The following KIF26B variants were observed in gnomAD, a reference collection of about 807,000 sequenced individuals.
KIF26B encodes kinesin family member 26B.
In KIF26B, 63 loss-of-function variants were observed where a neutral mutation model predicts 151.2. The observed-to-expected ratio is 0.42, with a 90% CI of 0.34 to 0.51. The LOEUF (loss-of-function observed/expected upper bound fraction) is 0.51, where lower values mean the gene tolerates loss of function less well. KIF26B is among the 20% of genes least tolerant of loss of function. The probability of loss-of-function intolerance (pLI) is 0.07; values close to 1 mark genes in which losing one functional copy is unlikely to be tolerated. For missense variants in KIF26B, 2,813 were observed against 2,913.6 expected (o/e 0.97, Z 0.79); for synonymous variants, 1,357 against 1,262.1 (o/e 1.08, Z -1.59).
At chr1:245,454,259 C>A (rs1014223076) in intron 4 of KIF26B, among the ~76,000 whole-genome samples, 1 of 152,194 alleles carries the variant, frequency 6.6e-6, no homozygotes, top group Non-Finnish European at 1.5e-5. Flanking sequence ...ACTTAATCAG[C>A]CTGGCTTCCT....
intron 4 of KIF26B, among the ~76,000 whole-genome samples, chr1:245,533,295 T>A (rs1012183500): frequency 1.3e-5 from 2 of 152,170 alleles, no homozygotes; most frequent in Non-Finnish European, 2.9e-5. Flanking sequence ...CTGCCACCCC[T>A]GTCCTGGGTC....
At chr1:245,688,975 T>TG (rs1272529839) in intron 12 of KIF26B, among the ~76,000 whole-genome samples, 168 bp downstream of exon 12, 1 of 151,608 alleles carries the variant, frequency 6.6e-6, no homozygotes, top group Non-Finnish European at 1.5e-5. Flanking sequence ...TCCCGTGCCC[T>TG]GGGGAGGGGG....
chr1:245,583,939 C>A (rs1423999443), intron 5 of KIF26B, among the ~76,000 whole-genome samples: 1 of 152,214 alleles, frequency 6.6e-6, no homozygotes, highest in Non-Finnish European at 1.5e-5. Context: ...CACAAAAGGA[C>A]CCTCTGTAGA....
chr1:245,634,761 G>A lies in KIF26B; in HGVS notation c.2099-11360G>A, dbSNP rs547570420. 1.3e-3 allele frequency among the ~76,000 whole-genome samples: 192 copies of A among 152,218 alleles called. No individual in the cohort carries two copies. In the South Asian group the frequency reaches 0.027, roughly 21 times the overall value. The stretch of plus-strand genomic sequence containing the variant: ...GTCTCACTCTGTCACCCAGGCTGGA[G>A]TGTAGTGGCATGATCACAGCTCACT... On this transcript the variant is annotated intron_variant, in intron 9 of 14. Coordinates refer to ENST00000407071, the MANE Select transcript of KIF26B (RefSeq NM_018012.4).
chr1:245,655,057 G>C (rs2044058891), intron 10 of KIF26B, among the ~76,000 whole-genome samples: 1 of 152,240 alleles, frequency 6.6e-6, no homozygotes, highest in South Asian at 2.1e-4. Flanking sequence ...AGAAGTATGT[G>C]TGGTGGAATC....
chr1:245,685,254 G>A, intron 11 of KIF26B, 151 bp from the exon 12 acceptor site: 1 of 632,006 alleles, frequency 1.6e-6, no homozygotes, highest in East Asian at 2.8e-5. Context: ...CGCGGGCATG[G>A]CACCCCGAGT....
intron 5 of KIF26B, among the ~76,000 whole-genome samples, chr1:245,600,525 A>C (rs2043385473): frequency 6.6e-6 from 1 of 151,216 alleles, no homozygotes; most frequent in Admixed American, 6.6e-5. Flanking sequence ...CTTTTTGTAG[A>C]GATGGGCTCT....
rs75301473 is a variant in KIF26B, at chr1:245,638,777, G to A, written c.2099-7344G>A. The stretch of plus-strand genomic sequence containing the variant: ...TTCCTTGATTCTGTTGATGTGTGAT[G>A]TATTAAACTTATTTGACTTACATAT... On this transcript the variant is annotated intron_variant, in intron 9 of 14. Coordinates refer to ENST00000407071, the MANE Select transcript of KIF26B (RefSeq NM_018012.4). Among the ~76,000 whole-genome samples, 1,248 of 151,900 alleles carry A rather than the reference G, an allele frequency of 8.2e-3. 9 individuals are homozygous for A. Among genetic ancestry groups the A allele is most frequent in the African/African-American group, 0.021 (870 of 41,530 alleles).
intron 3 of KIF26B, among the ~76,000 whole-genome samples, chr1:245,374,869 G>A (rs1572030659): frequency 1.3e-5 from 2 of 152,118 alleles, no homozygotes; most frequent in Admixed American, 1.3e-4. Context: ...GAATATGGAT[G>A]GGGCCGTGGT....
At chr1:245,614,432 C>G (rs1399781517) in intron 9 of KIF26B, among the ~76,000 whole-genome samples, 1 of 152,240 alleles carries the variant, frequency 6.6e-6, no homozygotes, top group Non-Finnish European at 1.5e-5. Context: ...CTCAGCCTCC[C>G]AAAGTGTTGG....
At chr1:245,451,695 G>A (rs1220975091) in intron 4 of KIF26B, among the ~76,000 whole-genome samples, 1 of 147,586 alleles carries the variant, frequency 6.8e-6, no homozygotes, top group African/African-American at 2.5e-5. Context: ...CTGCCTCCTG[G>A]GTTCAAAAAT....
At chr1:245,441,943 A>G (rs1382392919) in intron 4 of KIF26B, among the ~76,000 whole-genome samples, 1 of 152,100 alleles carries the variant, frequency 6.6e-6, no homozygotes, top group Non-Finnish European at 1.5e-5. Flanking sequence ...GCAGGGGAGG[A>G]GCCCTACTGC....
intron 4 of KIF26B, among the ~76,000 whole-genome samples, chr1:245,457,746 T>C (rs1659567231): frequency 6.6e-6 from 1 of 152,224 alleles, no homozygotes. Context: ...ATATTTGAGA[T>C]TGATCCATTT....
intron 4 of KIF26B, among the ~76,000 whole-genome samples, chr1:245,451,893 C>T (rs1317960166): frequency 6.6e-6 from 1 of 152,106 alleles, no homozygotes; most frequent in East Asian, 1.9e-4. Flanking sequence ...AGCCACCATG[C>T]CTGGCTAAGA....
chr1:245,244,570 C>T lies in KIF26B; in HGVS notation c.465+87887C>T, dbSNP rs1338582740. Among the ~76,000 whole-genome samples, 1 of 151,992 alleles carries T rather than the reference C, an allele frequency of 6.6e-6. No homozygotes were observed. Among genetic ancestry groups the T allele is most frequent in the Non-Finnish European group, 1.5e-5 (1 of 68,016 alleles). On this transcript the variant is annotated intron_variant, in intron 2 of 14. Transcript: ENST00000407071. The surrounding 1 kb of genome is among the most constrained non-coding windows in gnomAD (Gnocchi z 4.2). ...AGCCAGGCCCAGAAAATGAGGGGGA[C>T]ATTTACGTCATGGAACACAGAGGAA...
chr1:245,423,740 A>T (rs1286414458), intron 4 of KIF26B, among the ~76,000 whole-genome samples: 2 of 152,214 alleles, frequency 1.3e-5, no homozygotes, highest in Non-Finnish European at 2.9e-5. Flanking sequence ...TTTTCTGGAT[A>T]AATGTTGGTG....
intron 2 of KIF26B, among the ~76,000 whole-genome samples, chr1:245,313,067 G>C (rs1266221125): frequency 6.6e-6 from 1 of 152,120 alleles, no homozygotes; most frequent in African/African-American, 2.4e-5. Flanking sequence ...GCTGAGGCAG[G>C]AGAATCGCTT....
chr1:245,550,977 T>G (rs564859938), intron 5 of KIF26B, among the ~76,000 whole-genome samples: 2 of 152,334 alleles, frequency 1.3e-5, no homozygotes, highest in East Asian at 3.9e-4. Context: ...GGGGAATGCC[T>G]TAGCCCATGA....
chr1:245,259,624 T>C (rs979052472), intron 2 of KIF26B, among the ~76,000 whole-genome samples: 1 of 151,924 alleles, frequency 6.6e-6, no homozygotes, highest in African/African-American at 2.4e-5. Flanking sequence ...TCTTGAATGT[T>C]GATAATTAAT....
Sources: gnomAD v4.1 joint callset for allele counts (sites outside exome capture counted in the v4.1 genomes callset) on GRCh38, gnomAD v4.1.1 for gene constraint, Gnocchi (gnomAD v3.1) non-coding constraint, MANE v1.5 for transcripts, NCBI Gene and HGNC (gene_info 2026-07-23, HGNC 2026-07-21) for gene names.